DGKB: variants seen among roughly 807,000 people sequenced by gnomAD.
DGKB encodes the protein diacylglycerol kinase beta, also known as 90 kDa diacylglycerol kinase.
A neutral mutation model predicts 114.3 loss-of-function variants in DGKB; 67 were observed. The ratio of observed to expected loss-of-function variants is 0.59; its 90% CI spans 0.48 to 0.72. DGKB has a LOEUF of 0.72. Ranked by LOEUF, DGKB falls within the 30% of genes least tolerant of loss-of-function variation. The probability of loss-of-function intolerance (pLI) is 0.00; values close to 1 mark genes in which losing one functional copy is unlikely to be tolerated. For synonymous variants in DGKB, 398 were observed against 323.1 expected (o/e 1.23, Z -2.49); for missense variants, 907 against 975.2 (o/e 0.93, Z 0.93).
chr7:14,509,169 C>T (rs537666107), intron 20 of DGKB, among the ~76,000 whole-genome samples: 1 of 152,214 alleles, frequency 6.6e-6, no homozygotes, highest in African/African-American at 2.4e-5. Context: ...GTATACCAAA[C>T]ACTGAAGGCA....
chr7:14,923,249 C>T (rs566318181), intron 1 of DGKB, among the ~76,000 whole-genome samples: 3 of 152,200 alleles, frequency 2.0e-5, no homozygotes, highest in South Asian at 2.1e-4. Context: ...TATGGACTTC[C>T]TGAATCTTTC....
chr7:14,424,194 G>C (rs1253416971), intron 21 of DGKB, among the ~76,000 whole-genome samples: 1 of 152,074 alleles, frequency 6.6e-6, no homozygotes, highest in African/African-American at 2.4e-5. Context: ...CTGGGGTCAT[G>C]TGTGGCCTGA....
intron 21 of DGKB, among the ~76,000 whole-genome samples, chr7:14,404,813 C>A (rs1168946396): frequency 4.0e-5 from 6 of 151,840 alleles, no homozygotes. Context: ...GGAACCTACA[C>A]TCTCTGCTTT....
intron 6 of DGKB, among the ~76,000 whole-genome samples, chr7:14,710,764 T>C (rs1827229523): frequency 6.6e-6 from 1 of 152,130 alleles, no homozygotes; most frequent in South Asian, 2.1e-4. Flanking sequence ...ACTTTTATGA[T>C]TTTCTTCTTT....
chr7:14,885,587 A>T (rs1854929911), intron 1 of DGKB, among the ~76,000 whole-genome samples: 1 of 151,928 alleles, frequency 6.6e-6, no homozygotes, highest in South Asian at 2.1e-4. Flanking sequence ...TCATTAAGCG[A>T]TTAAACGTGC....
chr7:14,890,273 C>A (rs1187453861), intron 1 of DGKB, among the ~76,000 whole-genome samples: 1 of 151,354 alleles, frequency 6.6e-6, no homozygotes. Flanking sequence ...AAAAGTTATT[C>A]CAGGGACAAT....
chr7:14,693,338 T>G, intron 9 of DGKB, among the ~76,000 whole-genome samples: 1 of 152,206 alleles, frequency 6.6e-6, no homozygotes. Flanking sequence ...ATTTTTAGAA[T>G]AAAAATAACT....
chr7:14,338,534 C>T lies in DGKB; in HGVS notation c.2103G>A (p.Glu701=). The change falls in exon 23 of 26, where the codon GAG becomes GAA. Residue 701 remains glutamate, a synonymous_variant. Transcript: ENST00000402815. ...ACTGACCTTGACTTGCAAACTTCAA[C>T]TCTTTGGCATCTGTGACGGTGGTCC... The part of the protein sequence containing the change: ...DKRTTVTDAK[E]LKFASQDLSD... The T allele has an allele frequency of 6.3e-7, 1 of 1,575,678 alleles. No homozygotes were observed.
intron 23 of DGKB, among the ~76,000 whole-genome samples, chr7:14,229,421 T>C (rs1315797542): frequency 1.3e-5 from 2 of 152,004 alleles, no homozygotes; most frequent in Non-Finnish European, 2.9e-5. Flanking sequence ...TATTTGTGTA[T>C]CTAAACATAA....
chr7:14,577,170 C>G (rs1466803420), intron 19 of DGKB, among the ~76,000 whole-genome samples: 1 of 151,932 alleles, frequency 6.6e-6, no homozygotes, highest in Non-Finnish European at 1.5e-5. Context: ...TGGTTTAAAG[C>G]CTGTAATCAA....
chr7:14,685,331 C>A lies in DGKB; in HGVS notation c.743G>T (p.Arg248Leu). The change falls in exon 10 of 26, where the codon CGA (arginine) becomes CTA (leucine). Residue 248 changes from arginine to leucine, a missense_variant. Around this residue, in one of 3 missense-constraint regions of DGKB, gnomAD observed 814 missense variants for 856.6 expected, o/e 0.95. Transcript: ENST00000402815. ...GGCAGGTTTGTTAAAGTGCTTCAGTCGCCACACGTGCTGTCCATCATCCTT... is the reference window on the plus strand; with the variant it reads ...GGCAGGTTTGTTAAAGTGCTTCAGTAGCCACACGTGCTGTCCATCATCCTT... ...NVKDDGQHVW[R>L]LKHFNKPAYC... 2 of 1,613,772 alleles carry A rather than the reference C, an allele frequency of 1.2e-6. No individual in the cohort carries two copies. The highest frequency in any genetic ancestry group is 1.1e-5 in the South Asian group (1 of 91,064).
At chr7:14,512,872 G>C (rs1788194793) in intron 20 of DGKB, among the ~76,000 whole-genome samples, 1 of 152,154 alleles carries the variant, frequency 6.6e-6, no homozygotes, top group East Asian at 1.9e-4. Flanking sequence ...AACTAAACGA[G>C]GAGGTTTTGC....
chr7:14,872,980 C>G (rs1291188736), intron 1 of DGKB, among the ~76,000 whole-genome samples: 1 of 151,930 alleles, frequency 6.6e-6, no homozygotes, highest in Non-Finnish European at 1.5e-5. Flanking sequence ...ATAATCATAA[C>G]ACATTAAAAT....
At chr7:14,889,097 T>C (rs553985986) in intron 1 of DGKB, among the ~76,000 whole-genome samples, 9 of 151,778 alleles carry the variant, frequency 5.9e-5, no homozygotes, top group East Asian at 1.9e-4. Context: ...GGTTCCAGCA[T>C]TGGCAAGAAT....
intron 23 of DGKB, among the ~76,000 whole-genome samples, chr7:14,224,876 T>C (rs538121461): frequency 6.6e-6 from 1 of 152,210 alleles, no homozygotes; most frequent in South Asian, 2.1e-4. Context: ...CTCTTGTTTT[T>C]AACAATGCCC....
chr7:14,729,612 C>T (rs1167955527), intron 5 of DGKB, among the ~76,000 whole-genome samples: 1 of 152,102 alleles, frequency 6.6e-6, no homozygotes, highest in African/African-American at 2.4e-5. Context: ...CCCTTACTTA[C>T]TCCCCTCTCC....
chr7:14,567,051 A>C (rs192520593), intron 20 of DGKB, among the ~76,000 whole-genome samples: 5 of 133,628 alleles, frequency 3.7e-5, no homozygotes, highest in Admixed American at 3.7e-4. Context: ...CCAAGTTCTA[A>C]TAATGAGATG....
intron 20 of DGKB, among the ~76,000 whole-genome samples, chr7:14,482,161 C>G (rs560510035): frequency 6.6e-6 from 1 of 151,840 alleles, no homozygotes; most frequent in African/African-American, 2.4e-5. Context: ...ATAATACCTG[C>G]CTTGCTTTGA....
chr7:14,963,996 T>C (rs1030191573), intron 1 of DGKB, among the ~76,000 whole-genome samples: 24 of 152,052 alleles, frequency 1.6e-4, no homozygotes, highest in African/African-American at 2.4e-5. Context: ...ATAATAAAGA[T>C]ATTCAGAAAA....
Sources: gnomAD v4.1 joint callset for allele counts (sites outside exome capture counted in the v4.1 genomes callset) on GRCh38, gnomAD v4.1.1 for gene constraint, gnomAD v4.1.1 regional missense constraint, MANE v1.5 for transcripts, NCBI Gene and HGNC (gene_info 2026-07-23, HGNC 2026-07-21) for gene names.